The following SPOCK1 variants were observed in gnomAD, a reference collection of about 807,000 sequenced individuals.
SPOCK1 encodes the protein testican-1.
Under a neutral mutation model 55.3 loss-of-function variants are expected in SPOCK1, and 23 were observed. That is an observed-to-expected ratio of 0.42 (90% CI 0.30 to 0.59). The LOEUF is 0.59. Among genes scored for constraint, SPOCK1 ranks in the 20% least tolerant of loss-of-function variants. The probability of loss-of-function intolerance (pLI) is 0.22; values close to 1 mark genes in which losing one functional copy is unlikely to be tolerated. For missense variants in SPOCK1, 499 were observed against 552.5 expected, an observed-to-expected ratio of 0.90 and a Z score of 0.97; for synonymous variants, 226 against 221.0, an observed-to-expected ratio of 1.02 and a Z score of -0.20.
chr5:137,178,568 T>A (rs555553408), intron 3 of SPOCK1, among the ~76,000 whole-genome samples: 7 of 152,172 alleles, frequency 4.6e-5, no homozygotes, highest in Non-Finnish European at 1.0e-4. Flanking sequence ...GAGCAAGAAG[T>A]GAACTCAAAT....
At chr5:137,433,155 T>G (rs1449279884) in intron 2 of SPOCK1, among the ~76,000 whole-genome samples, 1 of 152,128 alleles carries the variant, frequency 6.6e-6, no homozygotes, top group Non-Finnish European at 1.5e-5. Context: ...CTTTGGGGTT[T>G]GAGGAAAGTT....
chr5:137,315,289 G>A (rs1289932466), intron 2 of SPOCK1, among the ~76,000 whole-genome samples: 17 of 152,208 alleles, frequency 1.1e-4, no homozygotes, highest in Admixed American at 1.0e-3. Context: ...CCATGGAACT[G>A]TAATTCTCTC....
chr5:137,086,925 A>C (rs1752971638), intron 5 of SPOCK1, among the ~76,000 whole-genome samples: 1 of 152,164 alleles, frequency 6.6e-6, no homozygotes. Flanking sequence ...TGGATGGAGA[A>C]ACTGAGACTC....
At chr5:137,189,924 T>C (rs1490652201) in intron 3 of SPOCK1, among the ~76,000 whole-genome samples, 1 of 151,752 alleles carries the variant, frequency 6.6e-6, no homozygotes, top group African/African-American at 2.4e-5. Context: ...CTTTGAGGGG[T>C]ACAAGACTTC....
chr5:137,152,830 GGT>G (rs1491116649), intron 3 of SPOCK1, among the ~76,000 whole-genome samples: 40 of 152,092 alleles, frequency 2.6e-4, no homozygotes, highest in African/African-American at 9.2e-4. Context: ...AAACATCTGA[GGT>G]GCTTTCATGT....
chr5:137,322,311 C>T (rs1321621373), intron 2 of SPOCK1, among the ~76,000 whole-genome samples: 2 of 145,932 alleles, frequency 1.4e-5, no homozygotes, highest in African/African-American at 5.1e-5. Flanking sequence ...CCAGCCTGGG[C>T]ATCAGAGTGA....
rs188091925 is a variant in SPOCK1, at chr5:137,254,628, G to A, written c.232+12382C>T. Among the ~76,000 whole-genome samples the A allele has an allele frequency of 2.0e-3, 307 of 152,324 alleles. 1 individual carries two copies. The highest frequency in any genetic ancestry group is 6.8e-3 in the Middle Eastern group (2 of 294). On this transcript the variant is annotated intron_variant, in intron 3 of 10. Transcript: ENST00000394945. ...TGTGCAAGGAAAGCATTTCCCACCC[G>A]TGTAAAGCCCACACTACACTGTGAA...
chr5:137,439,468 G>T (rs1423445392), intron 2 of SPOCK1, among the ~76,000 whole-genome samples: 1 of 152,172 alleles, frequency 6.6e-6, no homozygotes, highest in Non-Finnish European at 1.5e-5. Flanking sequence ...TCCTCCAGAG[G>T]TAGGGGGTGA....
chr5:137,286,698 G>C (rs1439292231), intron 2 of SPOCK1, among the ~76,000 whole-genome samples: 1 of 152,190 alleles, frequency 6.6e-6, no homozygotes, highest in African/African-American at 2.4e-5. Flanking sequence ...CACAGAGCAG[G>C]AGGGTGGTAG....
chr5:137,413,653 A>G (rs754689044), intron 2 of SPOCK1, among the ~76,000 whole-genome samples: 16 of 152,166 alleles, frequency 1.1e-4, no homozygotes, highest in Non-Finnish European at 1.8e-4. Context: ...GCTTCTCTGA[A>G]GGCACGACCT....
intron 9 of SPOCK1, among the ~76,000 whole-genome samples, chr5:136,980,636 C>A (rs960381743): frequency 2.0e-5 from 3 of 152,194 alleles, no homozygotes; most frequent in African/African-American, 7.2e-5. Flanking sequence ...GATTGTGAGG[C>A]CTCCCCAGCC....
chr5:137,319,416 T>A (rs978263125), intron 2 of SPOCK1, among the ~76,000 whole-genome samples: 1 of 152,218 alleles, frequency 6.6e-6, no homozygotes, highest in Non-Finnish European at 1.5e-5. Flanking sequence ...CCAATATGCT[T>A]ATTGTTCACT....
Position 137,318,040 on chromosome 5 carries a change from A to T in SPOCK1, c.187-50985T>A, listed in dbSNP as rs564849498. On this transcript the variant is annotated intron_variant, in intron 2 of 10. Transcript: ENST00000394945. ...TTTTTCAAGCCACACAACATACACA[A>T]GCACAAATGAATTCACCAGACACCT... Among the ~76,000 whole-genome samples, 8 of 152,338 alleles carry T rather than the reference A, an allele frequency of 5.3e-5. No homozygotes were observed. In the South Asian group the frequency reaches 1.4e-3, roughly 28 times the overall value.
chr5:137,292,855 A>G (rs1156353759), intron 2 of SPOCK1, among the ~76,000 whole-genome samples: 1 of 152,240 alleles, frequency 6.6e-6, no homozygotes, highest in Admixed American at 6.5e-5. Flanking sequence ...AACTGGCACC[A>G]TGACAGTAAA....
intron 5 of SPOCK1, among the ~76,000 whole-genome samples, chr5:137,103,503 C>A (rs929129490): frequency 6.6e-6 from 1 of 152,196 alleles, no homozygotes; most frequent in African/African-American, 2.4e-5. Flanking sequence ...ATCCTGGACC[C>A]AGAGACAGAA....
intron 2 of SPOCK1, among the ~76,000 whole-genome samples, chr5:137,299,409 A>G (rs1404173128): frequency 6.6e-6 from 1 of 151,966 alleles, no homozygotes; most frequent in East Asian, 1.9e-4. Context: ...TTTTAAATAA[A>G]CTGAGAAGAA....
At chr5:137,353,378 TTCAA>T (rs890568474) in intron 2 of SPOCK1, among the ~76,000 whole-genome samples, 1 of 152,026 alleles carries the variant, frequency 6.6e-6, no homozygotes. Context: ...AAAACCCTGA[TTCAA>T]TCAATCAATC....
At chr5:137,128,787 C>A (rs1248572874) in intron 4 of SPOCK1, among the ~76,000 whole-genome samples, 2 of 152,190 alleles carry the variant, frequency 1.3e-5, no homozygotes, top group African/African-American at 4.8e-5. Context: ...GAGTTCAACC[C>A]TCCCCCAACC....
chr5:137,338,418 T>C (rs1204958328), intron 2 of SPOCK1, among the ~76,000 whole-genome samples: 1 of 152,074 alleles, frequency 6.6e-6, no homozygotes, highest in African/African-American at 2.4e-5. Flanking sequence ...CAGTCTATCA[T>C]TGATGGACAT....
Sources: allele counts gnomAD v4.1 joint callset (sites outside exome capture counted in the v4.1 genomes callset), GRCh38; gene constraint gnomAD v4.1.1; transcripts MANE v1.5; gene names NCBI Gene and HGNC (gene_info 2026-07-23, HGNC 2026-07-21).